The following AGAP4 variants were observed in gnomAD, a reference collection of about 807,000 sequenced individuals.
AGAP4 encodes the protein ArfGAP with GTPase domain, ankyrin repeat and PH domain 4.
In AGAP4, 13 loss-of-function variants were observed where a neutral mutation model predicts 60.7. The ratio of observed to expected loss-of-function variants is 0.21; its 90% CI spans 0.14 to 0.34. AGAP4 has a LOEUF of 0.34. Ranked by LOEUF, AGAP4 falls within the 10% of genes least tolerant of loss-of-function variation. The pLI is 1.00. For synonymous variants in AGAP4, 70 were observed against 339.0 expected, an observed-to-expected ratio of 0.21 and a Z score of 8.72; for missense variants, 169 against 884.0, an observed-to-expected ratio of 0.19 and a Z score of 10.26.
chr10:45,853,617 G>C (rs1462544430), intron 1 of AGAP4: 1 of 1,285,334 alleles, frequency 7.8e-7, no homozygotes, highest in Non-Finnish European at 1.0e-6. Context: ...GATAAAGGGA[G>C]TAAAAAAACA....
Position 45,843,904 on chromosome 10 carries a change from C to G in AGAP4, c.361+422G>C, listed in dbSNP as rs1356923904. 4.0e-5 allele frequency among the ~76,000 whole-genome samples: 6 copies of G among 149,920 alleles called. 1 individual carries two copies. Among genetic ancestry groups the G allele is most frequent in the African/African-American group, 1.5e-4 (6 of 39,466 alleles). On this transcript the variant is annotated intron_variant, in intron 3 of 7. Transcript: ENST00000616763. ...GAGGCCCAAATCACAGATTCAATCC[C>G]TGATGATAAACGACTATGTTTTTTA...
chr10:45,851,593 G>A (rs1391368935), upstream of AGAP4, among the ~76,000 whole-genome samples: 2 of 151,130 alleles, frequency 1.3e-5, no homozygotes, highest in East Asian at 2.0e-4. Flanking sequence ...CAAGTATTTG[G>A]CTGAGAAGAG....
chr10:45,829,883 A>G (rs76500924), intron 6 of AGAP4, among the ~76,000 whole-genome samples: 1 of 150,320 alleles, frequency 6.7e-6, no homozygotes, highest in Non-Finnish European at 1.5e-5. Flanking sequence ...TGGTTAAACT[A>G]AAAGTGATTT....
At chr10:45,851,935 T>TG (rs1484373418), upstream of AGAP4, among the ~76,000 whole-genome samples, 1 of 146,796 alleles carries the variant, frequency 6.8e-6, no homozygotes, top group Non-Finnish European at 1.5e-5. Context: ...CTTTTTGAGA[T>TG]GGAGTCTTGC....
chr10:45,846,051 A>C (rs1383854437), intron 2 of AGAP4, among the ~76,000 whole-genome samples: 1 of 133,416 alleles, frequency 7.5e-6, no homozygotes, highest in Non-Finnish European at 1.6e-5. Flanking sequence ...GAAAGTCTAC[A>C]TTGACGTTTC....
chr10:45,841,823 T>C (rs1449915076), intron 3 of AGAP4, 136 bp from the exon 4 acceptor site: 2 of 911,492 alleles, frequency 2.2e-6, no homozygotes, highest in African/African-American at 3.4e-5. Flanking sequence ...CAATAACATA[T>C]AATTTAAATT....
At chr10:45,848,429 C>A (rs1476383092), upstream of AGAP4, among the ~76,000 whole-genome samples, 3 of 146,150 alleles carry the variant, frequency 2.1e-5, no homozygotes, top group Admixed American at 7.0e-5. Context: ...AAATCGAGAG[C>A]CATAAAGTGG....
At position 45,845,522 on chromosome 10, in the gene AGAP4, G is replaced by A. The variant is rs1296866633; in HGVS notation, c.293-1128C>T. On this transcript the variant is annotated intron_variant, in intron 2 of 7. Transcript: ENST00000616763. The stretch of plus-strand genomic sequence containing the variant: ...TCTTTGCAAAATTTTAGAGGCAAAC[G>A]AACTAATTGTTTTCTCTTTTCTACC... Among the ~76,000 whole-genome samples the A allele has an allele frequency of 1.9e-5, 2 of 107,892 alleles. 1 individual carries two copies. Among genetic ancestry groups the A allele is most frequent in the Admixed American group, 1.7e-4 (2 of 11,824 alleles). The allele number at this position is 107,892 out of a possible 152,430, so 70.8% of individuals were successfully genotyped here.
intron 4 of AGAP4, 177 bp downstream of exon 4, chr10:45,841,476 A>G (rs2058917939): frequency 8.8e-6 from 5 of 569,162 alleles, no homozygotes; most frequent in Non-Finnish European, 1.5e-5. Context: ...TGGACACGCT[A>G]AACTAAGCAC....
chr10:45,844,592 A>G, intron 2 of AGAP4, 198 bp from the exon 3 acceptor site: 2 of 666,752 alleles, frequency 3.0e-6, no homozygotes, highest in Non-Finnish European at 4.6e-6. Flanking sequence ...GGAGGCTGAG[A>G]TGGGAAAATC....
chr10:45,839,744 C>G (rs1338656097), intron 4 of AGAP4, among the ~76,000 whole-genome samples: 2 of 115,838 alleles, frequency 1.7e-5, no homozygotes, highest in Non-Finnish European at 3.7e-5. Flanking sequence ...GGCCAGGAAC[C>G]ACCACACATT....
In AGAP4 at chr10:45,843,067, C is replaced by T. The variant is rs2058944815; in HGVS notation, c.361+1259G>A. ...ATCCCAGCACTTTGGGAGGCTGAAGCGGGTAGATCACTTGAGGTCAGGAGT... is the reference window on the plus strand; with the variant it reads ...ATCCCAGCACTTTGGGAGGCTGAAGTGGGTAGATCACTTGAGGTCAGGAGT... On this transcript the variant is annotated intron_variant, in intron 3 of 7. Transcript: ENST00000616763. Among the ~76,000 whole-genome samples, 3 of 87,674 alleles carry T rather than the reference C, an allele frequency of 3.4e-5. 1 individual carries two copies. The highest frequency in any genetic ancestry group is 2.0e-4 in the Admixed American group (2 of 10,046). 57.5% of individuals were successfully genotyped at this position (87,674 alleles called of 152,430 possible). A position where few individuals can be genotyped will look rare whatever the true frequency, so the allele number is the denominator to read the frequency against.
At chr10:45,848,827 C>G (rs1486336276), upstream of AGAP4, 1 of 151,564 alleles carries the variant, frequency 6.6e-6, no homozygotes, top group Non-Finnish European at 1.5e-5. Context: ...AGGGGGAAGT[C>G]CTTCAGGAAA....
chr10:45,844,284 C>T (rs1456494756), intron 3 of AGAP4, 42 bp downstream of exon 3: 68 of 1,593,196 alleles, frequency 4.3e-5, no homozygotes, highest in Non-Finnish European at 5.4e-5. Context: ...CAAACAAGAG[C>T]TTTTATTCTT....
chr10:45,843,992 G>A (rs2058960811), intron 3 of AGAP4, among the ~76,000 whole-genome samples: 1 of 149,678 alleles, frequency 6.7e-6, no homozygotes, highest in African/African-American at 2.6e-5. Context: ...ACTTTTTGGA[G>A]CAAGGGAAAA....
chr10:45,826,412 C>G lies in AGAP4; in HGVS notation c.1564G>C (p.Asp522His). Residue 522 changes from aspartate (D) to histidine (H), a missense_variant, in exon 8 of 8, where the codon GAT becomes CAT. Coordinates refer to ENST00000616763, the MANE Select transcript of AGAP4 (RefSeq NM_001276343.3). ...RLSRVRSLEL[D>H]DWPVELRKVM... Reference sequence around the variant, plus strand: ...TTCCTGAGCTCAACTGGCCAGTCATCCAGCTCCAGAGATCGCACACGGGAA... The same window carrying G: ...TTCCTGAGCTCAACTGGCCAGTCATGCAGCTCCAGAGATCGCACACGGGAA... 1.2e-6 allele frequency: 2 copies of G among 1,606,652 alleles called. No individual in the cohort carries two copies. Among genetic ancestry groups the G allele is most frequent in the South Asian group, 2.2e-5 (2 of 90,454 alleles).
chr10:45,832,262 C>T (rs1203331664), intron 5 of AGAP4, among the ~76,000 whole-genome samples: 1 of 145,228 alleles, frequency 6.9e-6, no homozygotes, highest in African/African-American at 2.5e-5. Flanking sequence ...AAGTTACATG[C>T]TGGAAAGGAC....
At chr10:45,834,676 A>G (rs1239983604) in intron 4 of AGAP4, among the ~76,000 whole-genome samples, 2 of 79,670 alleles carry the variant, frequency 2.5e-5, no homozygotes, top group Non-Finnish European at 5.3e-5. Context: ...CTCCGCCTCA[A>G]AAAAAAAAAA....
upstream of AGAP4, among the ~76,000 whole-genome samples, chr10:45,852,295 C>T (rs2059095210): frequency 7.8e-6 from 1 of 127,678 alleles, no homozygotes; most frequent in African/African-American, 3.0e-5. Flanking sequence ...CTTCTTGATA[C>T]AACTAACTAA....
Sources: gnomAD v4.1 joint callset for allele counts (sites outside exome capture counted in the v4.1 genomes callset) on GRCh38, gnomAD v4.1.1 for gene constraint, MANE v1.5 for transcripts, NCBI Gene and HGNC (gene_info 2026-07-23, HGNC 2026-07-21) for gene names.